Variants in ARSJ observed in about 807,000 individuals in gnomAD.
The protein encoded by ARSJ is arylsulfatase J.
ARSJ carries 26 observed loss-of-function variants against 35.9 expected under a neutral mutation model. The observed-to-expected ratio is 0.72, with a 90% CI of 0.53 to 1.00. ARSJ has a LOEUF of 1.00. Ranked by LOEUF, ARSJ falls within the 50% of genes least tolerant of loss-of-function variation. The pLI, the probability that ARSJ is intolerant of heterozygous loss-of-function variation, is 0.00. For missense variants in ARSJ, 667 were observed against 723.6 expected, an observed-to-expected ratio of 0.92 and a Z score of 0.90; for synonymous variants, 294 against 267.6, an observed-to-expected ratio of 1.10 and a Z score of -0.96.
intron 1 of ARSJ, among the ~76,000 whole-genome samples, chr4:113,977,243 C>T (rs926673154): frequency 1.3e-5 from 2 of 152,142 alleles, no homozygotes; most frequent in African/African-American, 2.4e-5. Flanking sequence ...CCACAGTTAA[C>T]CTTTAAAATG....
intron 1 of ARSJ, among the ~76,000 whole-genome samples, chr4:113,949,391 T>A (rs1203304832): frequency 3.3e-5 from 5 of 152,042 alleles, no homozygotes; most frequent in African/African-American, 1.2e-4. Flanking sequence ...TCCCTAGCAC[T>A]TTTTTTCTGG....
intron 1 of ARSJ, among the ~76,000 whole-genome samples, chr4:113,912,735 A>ATGTGTGTG (rs34936997): frequency 1.4e-5 from 2 of 147,488 alleles, no homozygotes; most frequent in African/African-American, 5.0e-5. Flanking sequence ...ATAAATGAGA[A>ATGTGTGTG]TGTGTGTGTG....
rs1344740231 is a variant in ARSJ at position 113,974,881 on chromosome 4, A to G, written c.398+3556T>C. On this transcript the variant is annotated intron_variant, in intron 1 of 1. Coordinates refer to ENST00000315366, the MANE Select transcript of ARSJ (RefSeq NM_024590.4). ...AAACATATACAAGTATTTTTATGGTAGCACTGTTTATAATAACCCAACTAT... is the reference window on the plus strand; with the variant it reads ...AAACATATACAAGTATTTTTATGGTGGCACTGTTTATAATAACCCAACTAT... 2.0e-5 allele frequency among the ~76,000 whole-genome samples: 3 copies of G among 152,198 alleles called. No individual in the cohort carries two copies. The East Asian group carries it at 5.8e-4, about 29-fold the overall frequency.
At chr4:113,934,806 T>A (rs1280586578) in intron 1 of ARSJ, among the ~76,000 whole-genome samples, 2 of 151,804 alleles carry the variant, frequency 1.3e-5, no homozygotes, top group African/African-American at 4.8e-5. Context: ...AAAATATGTA[T>A]GTCTACTAGG....
chr4:113,928,419 C>G (rs1724218123), intron 1 of ARSJ, among the ~76,000 whole-genome samples: 1 of 152,124 alleles, frequency 6.6e-6, no homozygotes, highest in Non-Finnish European at 1.5e-5. Context: ...CTGTGATTCT[C>G]TGTTTTTATA....
intron 1 of ARSJ, among the ~76,000 whole-genome samples, chr4:113,937,143 T>C (rs1445670565): frequency 6.6e-6 from 1 of 151,958 alleles, no homozygotes. Flanking sequence ...ACTGGGAAGA[T>C]TCATTTCCTT....
chr4:113,924,995 C>T (rs960099763), intron 1 of ARSJ, among the ~76,000 whole-genome samples: 8 of 152,072 alleles, frequency 5.3e-5, no homozygotes, highest in East Asian at 1.9e-4. Flanking sequence ...GTAGTCCTGC[C>T]GGGATTGGGC....
At chr4:113,977,568 C>A (rs1210063172) in intron 1 of ARSJ, among the ~76,000 whole-genome samples, 1 of 152,308 alleles carries the variant, frequency 6.6e-6, no homozygotes, top group East Asian at 1.9e-4. Flanking sequence ...TTAACCCCTG[C>A]CCTTCCTAGT....
At chr4:113,904,056 G>C (rs2099667965) in intron 1 of ARSJ, among the ~76,000 whole-genome samples, 1 of 151,416 alleles carries the variant, frequency 6.6e-6, no homozygotes, top group South Asian at 2.1e-4. Context: ...CCCAGTAGCT[G>C]GGATTACAGG....
At chr4:113,955,570 T>C (rs911432553) in intron 1 of ARSJ, among the ~76,000 whole-genome samples, 7 of 151,980 alleles carry the variant, frequency 4.6e-5, no homozygotes, top group Non-Finnish European at 7.4e-5. Context: ...AAGCACTAAA[T>C]CCATATGGGT....
At chr4:113,955,320 A>C (rs942504491) in intron 1 of ARSJ, among the ~76,000 whole-genome samples, 1 of 151,964 alleles carries the variant, frequency 6.6e-6, no homozygotes. Context: ...TATCAAAATA[A>C]ATGAACAGAT....
At chr4:113,912,316 A>G (rs1457991232) in intron 1 of ARSJ, among the ~76,000 whole-genome samples, 1 of 152,242 alleles carries the variant, frequency 6.6e-6, no homozygotes, top group Non-Finnish European at 1.5e-5. Flanking sequence ...ATCACTTACT[A>G]TAGAGAAGCC....
intron 1 of ARSJ, among the ~76,000 whole-genome samples, chr4:113,909,291 G>A (rs763238063): frequency 1.5e-4 from 23 of 152,130 alleles, no homozygotes; most frequent in Non-Finnish European, 2.9e-4. Context: ...ACCCATTGTG[G>A]AAAATAACAT....
intron 1 of ARSJ, among the ~76,000 whole-genome samples, chr4:113,962,145 A>G (rs78385958): frequency 2.6e-5 from 4 of 151,934 alleles, no homozygotes; most frequent in African/African-American, 9.7e-5. Flanking sequence ...TGGTGAATTC[A>G]CCCAGTTCAT....
chr4:113,923,716 A>G (rs934697714), intron 1 of ARSJ, among the ~76,000 whole-genome samples: 1 of 151,968 alleles, frequency 6.6e-6, no homozygotes, highest in Non-Finnish European at 1.5e-5. Context: ...ATAAAATGAA[A>G]ATTCAGTTTC....
intron 1 of ARSJ, among the ~76,000 whole-genome samples, chr4:113,923,228 C>T (rs925722226): frequency 2.0e-5 from 3 of 152,152 alleles, no homozygotes; most frequent in Non-Finnish European, 2.9e-5. Context: ...CTGCTGTTCT[C>T]TTTCTCTACA....
chr4:113,954,113 G>A (rs1726026791), intron 1 of ARSJ, among the ~76,000 whole-genome samples: 1 of 151,798 alleles, frequency 6.6e-6, no homozygotes, highest in Non-Finnish European at 1.5e-5. Flanking sequence ...TCTTCTGATG[G>A]GATTTCCTGT....
At chr4:113,972,318 A>AT in intron 1 of ARSJ, among the ~76,000 whole-genome samples, 1 of 145,682 alleles carries the variant, frequency 6.9e-6, no homozygotes, top group African/African-American at 2.5e-5. Flanking sequence ...AAAAAAAAAA[A>AT]CCCCACCATG....
At chr4:113,969,649 A>C (rs1036915186) in intron 1 of ARSJ, among the ~76,000 whole-genome samples, 1 of 152,204 alleles carries the variant, frequency 6.6e-6, no homozygotes, top group African/African-American at 2.4e-5. Flanking sequence ...TGCATCTCAG[A>C]AATATCAAAA....
Sources: gnomAD v4.1 joint callset for allele counts (sites outside exome capture counted in the v4.1 genomes callset) on GRCh38, gnomAD v4.1.1 for gene constraint, MANE v1.5 for transcripts, NCBI Gene and HGNC (gene_info 2026-07-23, HGNC 2026-07-21) for gene names.